The following KCNH1 variants were observed in gnomAD, a reference collection of about 807,000 sequenced individuals.
KCNH1 encodes potassium voltage-gated channel subfamily H member 1, also known as voltage-gated delayed rectifier potassium channel KCNH1.
Under a neutral mutation model 69.2 loss-of-function variants are expected in KCNH1, and 27 were observed. The ratio of observed to expected loss-of-function variants is 0.39; its 90% CI spans 0.29 to 0.54. KCNH1 has a LOEUF of 0.54. Ranked by LOEUF, KCNH1 falls within the 20% of genes least tolerant of loss-of-function variation. The probability of loss-of-function intolerance (pLI) is 0.68; values close to 1 mark genes in which losing one functional copy is unlikely to be tolerated. For synonymous variants in KCNH1, 456 were observed against 487.7 expected, an observed-to-expected ratio of 0.93 and a Z score of 0.86; for missense variants, 798 against 1,261.6, an observed-to-expected ratio of 0.63 and a Z score of 5.57.
chr1:210,892,975 A>T (rs986925779), intron 7 of KCNH1, among the ~76,000 whole-genome samples: 2 of 152,296 alleles, frequency 1.3e-5, no homozygotes, highest in Non-Finnish European at 1.5e-5. Context: ...AATCACAGAG[A>T]GCCTTGGGAG....
At chr1:211,087,772 G>A (rs563231291) in intron 4 of KCNH1, among the ~76,000 whole-genome samples, 128 of 152,238 alleles carry the variant, frequency 8.4e-4, no homozygotes, top group African/African-American at 2.9e-3. Flanking sequence ...TCAAAAGACA[G>A]AGAGCAAAGT....
intron 1 of KCNH1, among the ~76,000 whole-genome samples, chr1:211,116,332 T>C (rs1558611731): frequency 6.6e-6 from 1 of 152,132 alleles, no homozygotes; most frequent in Admixed American, 6.5e-5. Flanking sequence ...CTTAACAATA[T>C]AACTTCTGCA....
chr1:210,702,642 A>G (rs1024092769), intron 10 of KCNH1, among the ~76,000 whole-genome samples: 3 of 152,212 alleles, frequency 2.0e-5, no homozygotes, highest in African/African-American at 7.2e-5. Flanking sequence ...TGCATGAGGT[A>G]GAGCTGTGGA....
chr1:210,759,130 C>T (rs1277514013), intron 10 of KCNH1, among the ~76,000 whole-genome samples: 1 of 144,346 alleles, frequency 6.9e-6, no homozygotes, highest in African/African-American at 2.7e-5. Flanking sequence ...AATCAAGAAG[C>T]CCTATCCAAA....
chr1:210,820,628 T>G (rs1383932578), intron 7 of KCNH1, among the ~76,000 whole-genome samples: 2 of 152,150 alleles, frequency 1.3e-5, no homozygotes, highest in Non-Finnish European at 2.9e-5. Flanking sequence ...AGAGAGACTC[T>G]GTCTCAAAAA....
intron 7 of KCNH1, among the ~76,000 whole-genome samples, chr1:210,896,901 T>G (rs1686880954): frequency 6.6e-6 from 1 of 152,194 alleles, no homozygotes; most frequent in Non-Finnish European, 1.5e-5. Flanking sequence ...TTTTCTGTCT[T>G]CCAGCAAACA....
At chr1:210,856,900 A>ATATATAT (rs1394990673) in intron 7 of KCNH1, among the ~76,000 whole-genome samples, 1 of 53,192 alleles carries the variant, frequency 1.9e-5, no homozygotes. Context: ...TATATATATA[A>ATATATAT]AATACTCATG....
intron 6 of KCNH1, among the ~76,000 whole-genome samples, chr1:210,954,546 C>A (rs911829599): frequency 6.6e-6 from 1 of 152,206 alleles, no homozygotes; most frequent in African/African-American, 2.4e-5. Context: ...TCCTATTTCT[C>A]CACATCCTCT....
intron 7 of KCNH1, among the ~76,000 whole-genome samples, chr1:210,826,349 T>C (rs893691482): frequency 6.6e-6 from 1 of 152,162 alleles, no homozygotes; most frequent in African/African-American, 2.4e-5. Flanking sequence ...TTCTCCTGGT[T>C]CTCTCCCATC....
intron 6 of KCNH1, among the ~76,000 whole-genome samples, chr1:210,949,203 C>T (rs1302270198): frequency 6.6e-6 from 1 of 152,174 alleles, no homozygotes; most frequent in Non-Finnish European, 1.5e-5. Flanking sequence ...AACCGACCAA[C>T]CTCAGATTCA....
intron 7 of KCNH1, among the ~76,000 whole-genome samples, chr1:210,893,088 G>A (rs1276713745): frequency 6.6e-6 from 1 of 152,142 alleles, no homozygotes; most frequent in Non-Finnish European, 1.5e-5. Flanking sequence ...AGAAAGTTCA[G>A]GCAGAAAGGC....
intron 7 of KCNH1, among the ~76,000 whole-genome samples, chr1:210,876,822 C>T (rs1406104625): frequency 6.6e-6 from 1 of 152,094 alleles, no homozygotes; most frequent in Non-Finnish European, 1.5e-5. Flanking sequence ...GCTTAGCACC[C>T]TTAGCGTCAC....
chr1:210,960,771 A>C (rs972506037), intron 6 of KCNH1, among the ~76,000 whole-genome samples: 1 of 152,216 alleles, frequency 6.6e-6, no homozygotes, highest in Admixed American at 6.5e-5. Flanking sequence ...AGTAAATAAA[A>C]GTCAAGTAGC....
At chr1:210,851,493 A>G (rs1473961958) in intron 7 of KCNH1, among the ~76,000 whole-genome samples, 3 of 152,222 alleles carry the variant, frequency 2.0e-5, no homozygotes, top group Admixed American at 6.5e-5. Flanking sequence ...TGAGAGTCAC[A>G]TTACCTCTCT....
chr1:211,007,933 C>A (rs1332694361), intron 6 of KCNH1, among the ~76,000 whole-genome samples: 1 of 14,814 alleles, frequency 6.8e-5, no homozygotes, highest in Non-Finnish European at 1.1e-4. Flanking sequence ...AAAAAGGGAA[C>A]CTTGAGCACT....
chr1:210,855,993 A>C (rs536484830), intron 7 of KCNH1, among the ~76,000 whole-genome samples: 2 of 152,300 alleles, frequency 1.3e-5, no homozygotes, highest in African/African-American at 4.8e-5. Flanking sequence ...TGATGCAGGC[A>C]TTCTGGAGTC....
intron 6 of KCNH1, among the ~76,000 whole-genome samples, chr1:210,949,634 AC>A (rs1688024436): frequency 6.6e-6 from 1 of 152,242 alleles, no homozygotes; most frequent in Non-Finnish European, 1.5e-5. Flanking sequence ...GCAAAACAGC[AC>A]TTCATAAATG....
At chr1:210,930,083 T>C (rs903557973) in intron 6 of KCNH1, among the ~76,000 whole-genome samples, 1 of 152,086 alleles carries the variant, frequency 6.6e-6, no homozygotes, top group Non-Finnish European at 1.5e-5. Context: ...GTAGAACCAA[T>C]ATCATGAAAA....
intron 7 of KCNH1, among the ~76,000 whole-genome samples, chr1:210,819,532 G>A (rs954116063): frequency 3.3e-5 from 5 of 151,952 alleles, no homozygotes; most frequent in African/African-American, 1.2e-4. Context: ...AGGCAATCAC[G>A]GCTATCCTGA....
Sources: allele counts gnomAD v4.1 joint callset (sites outside exome capture counted in the v4.1 genomes callset), GRCh38; gene constraint gnomAD v4.1.1; transcripts MANE v1.5; gene names NCBI Gene and HGNC (gene_info 2026-07-23, HGNC 2026-07-21).